Variants in ATAD2B observed in about 807,000 individuals in gnomAD.
The protein encoded by ATAD2B is ATPase family AAA domain-containing protein 2B.
A neutral mutation model predicts 167.6 loss-of-function variants in ATAD2B; 40 were observed. The observed-to-expected ratio is 0.24, with a 90% CI of 0.19 to 0.31. ATAD2B has a LOEUF of 0.31. Ranked by LOEUF, ATAD2B falls within the 10% of genes least tolerant of loss-of-function variation. ATAD2B has a pLI of 1.00. For synonymous variants in ATAD2B, 579 were observed against 596.5 expected (o/e 0.97, Z 0.43); for missense variants, 1,242 against 1,757.2 (o/e 0.71, Z 5.24).
At chr2:23,779,470 C>T (rs1679674683) in intron 22 of ATAD2B, among the ~76,000 whole-genome samples, 1 of 152,020 alleles carries the variant, frequency 6.6e-6, no homozygotes, top group Non-Finnish European at 1.5e-5. Context: ...CCACTGCACC[C>T]AGCCCGCTGC....
intron 9 of ATAD2B, among the ~76,000 whole-genome samples, chr2:23,869,298 T>C (rs1466849832): frequency 6.6e-6 from 1 of 152,188 alleles, no homozygotes; most frequent in Non-Finnish European, 1.5e-5. Flanking sequence ...AGAAACCATG[T>C]CTTAATCTGA....
intron 12 of ATAD2B, among the ~76,000 whole-genome samples, chr2:23,859,359 G>T: frequency 6.6e-6 from 1 of 151,764 alleles, no homozygotes; most frequent in Non-Finnish European, 1.5e-5. Flanking sequence ...ACCCAGGCTG[G>T]AGTGCAGTGA....
At chr2:23,875,165 C>G (rs1476940694) in intron 8 of ATAD2B, among the ~76,000 whole-genome samples, 1 of 151,580 alleles carries the variant, frequency 6.6e-6, no homozygotes, top group Non-Finnish European at 1.5e-5. Context: ...TGCTAAGAGA[C>G]CAAAGAGCTG....
intron 13 of ATAD2B, among the ~76,000 whole-genome samples, chr2:23,856,971 G>A (rs990718031): frequency 6.6e-6 from 1 of 152,082 alleles, no homozygotes; most frequent in African/African-American, 2.4e-5. Flanking sequence ...CACTTTGGGA[G>A]GCTGACTGGG....
the ATAD2B span, among the ~76,000 whole-genome samples, chr2:23,694,310 G>A: frequency 3.9e-5 from 6 of 152,102 alleles, no homozygotes; most frequent in Non-Finnish European, 7.4e-5. Context: ...TTCGCTACAC[G>A]CGCTCATTCC....
At chr2:23,736,719 G>A in the ATAD2B span, among the ~76,000 whole-genome samples, 575 of 152,260 alleles carry the variant, frequency 3.8e-3, 1 homozygote, top group South Asian at 5.6e-3. Context: ...GCAGCCTACC[G>A]TGCGCGAGCC....
the ATAD2B span, among the ~76,000 whole-genome samples, chr2:23,741,103 A>T: frequency 0.011 from 1,675 of 152,156 alleles, 46 homozygotes; most frequent in African/African-American, 0.039. Flanking sequence ...GGAAGAATCA[A>T]TATCGTGAAA....
intron 27 of ATAD2B, among the ~76,000 whole-genome samples, chr2:23,752,599 C>G (rs1675483353): frequency 6.6e-6 from 1 of 151,822 alleles, no homozygotes; most frequent in South Asian, 2.1e-4. Context: ...AACTGAGGCA[C>G]AGAGGGGATA....
rs368495806 is a variant in ATAD2B at position 23,895,894 on chromosome 2, G to C, written c.293C>G (p.Ser98Cys). 140 of 1,613,310 alleles carry C rather than the reference G, an allele frequency of 8.7e-5. No homozygotes were observed. The highest frequency in any genetic ancestry group is 1.0e-4 in the Non-Finnish European group (122 of 1,179,524). ...TGATTTTGATTTGTCTTTGCAAACA[G>C]AATCAGGTTGTTTCAAAGTGCGTTT... ...PAKRTLKQPD[S>C]VCKDKSKSRS... Residue 98 changes from serine to cysteine, a missense_variant, in exon 2 of 28, where the codon TCT becomes TGT. Physicochemically the swap from Ser to Cys is moderately radical, Grantham distance 112. Coordinates refer to ENST00000238789, the MANE Select transcript of ATAD2B (RefSeq NM_017552.4).
At chr2:23,781,333 A>AAAATAAATAAAT (rs57132440) in intron 22 of ATAD2B, among the ~76,000 whole-genome samples, 130 of 144,558 alleles carry the variant, frequency 9.0e-4, no homozygotes, top group South Asian at 2.7e-3. Flanking sequence ...TGACCACAAA[A>AAAATAAATAAAT]AAATAAATAA....
In ATAD2B at chr2:23,865,005, C is replaced by G. The variant is rs946543540; in HGVS notation, c.1189-81G>C. ...TTTTAAAATTTATAAAAGAGTCTTA[C>G]GATTCAGAAATACATGCCTTTAGCA... is the stretch of plus-strand genomic sequence containing the variant. On this transcript the variant is annotated intron_variant, in intron 10 of 27. Coordinates refer to ENST00000238789, the MANE Select transcript of ATAD2B (RefSeq NM_017552.4). 4 of 795,904 alleles carry G rather than the reference C, an allele frequency of 5.0e-6. No individual in the cohort carries two copies. In the South Asian group the frequency reaches 8.8e-5, roughly 17 times the overall value. The allele number at this position is 795,904 out of a possible 1,614,324, so 49.3% of individuals were successfully genotyped here.
the ATAD2B span, chr2:23,706,389 G>A: frequency 1.0e-6 from 1 of 999,404 alleles, no homozygotes; most frequent in East Asian, 3.2e-5. Context: ...AAAGGCACAG[G>A]CAGCCTACAA....
the ATAD2B span, chr2:23,691,465 A>G: frequency 1.7e-5 from 10 of 597,344 alleles, no homozygotes; most frequent in Admixed American, 1.2e-4. Flanking sequence ...AGTGATAAGC[A>G]GGGTTTTCTG....
At chr2:23,826,005 A>T (rs935412374) in intron 15 of ATAD2B, among the ~76,000 whole-genome samples, 1 of 152,126 alleles carries the variant, frequency 6.6e-6, no homozygotes, top group Non-Finnish European at 1.5e-5. Context: ...AAAGAAGGAA[A>T]TTTTTTTACA....
intron 6 of ATAD2B, among the ~76,000 whole-genome samples, chr2:23,882,427 C>T (rs1201967119): frequency 6.7e-6 from 1 of 148,152 alleles, no homozygotes; most frequent in East Asian, 2.0e-4. Context: ...AACGCCTGAT[C>T]TCAAGTGATC....
the ATAD2B span, among the ~76,000 whole-genome samples, chr2:23,712,352 G>A: frequency 6.6e-6 from 1 of 152,234 alleles, no homozygotes; most frequent in East Asian, 1.9e-4. Context: ...CACCTGGTAA[G>A]AGTCTCAGCA....
chr2:23,765,330 T>C (rs1295371512), intron 23 of ATAD2B, among the ~76,000 whole-genome samples, 176 bp downstream of exon 23: 3 of 152,216 alleles, frequency 2.0e-5, no homozygotes, highest in Non-Finnish European at 4.4e-5. Flanking sequence ...TCACAGTAGG[T>C]AAAGTTGTAA....
chr2:23,881,314 T>A (rs1697856168), intron 6 of ATAD2B, among the ~76,000 whole-genome samples: 1 of 151,668 alleles, frequency 6.6e-6, no homozygotes, highest in Admixed American at 6.6e-5. Flanking sequence ...GAAACAGACT[T>A]CTAGGGTATT....
intron 12 of ATAD2B, among the ~76,000 whole-genome samples, chr2:23,859,322 A>G (rs1693963888): frequency 6.6e-6 from 1 of 151,086 alleles, no homozygotes; most frequent in Non-Finnish European, 1.5e-5. Flanking sequence ...TTTATTTTGA[A>G]TTTTTGAGAC....
Sources: gnomAD v4.1 joint callset for allele counts (sites outside exome capture counted in the v4.1 genomes callset) on GRCh38, gnomAD v4.1.1 for gene constraint, MANE v1.5 for transcripts, NCBI Gene and HGNC (gene_info 2026-07-23, HGNC 2026-07-21) for gene names.